TIAM1: variants seen among roughly 807,000 people sequenced by gnomAD.
The protein encoded by TIAM1 is TIAM Rac1 associated GEF 1.
A neutral mutation model predicts 163.5 loss-of-function variants in TIAM1; 65 were observed. The observed-to-expected ratio is 0.40, with a 90% CI of 0.33 to 0.49. The LOEUF is 0.49. Ranked by LOEUF, TIAM1 falls within the 20% of genes least tolerant of loss-of-function variation. The probability of loss-of-function intolerance (pLI) is 0.77; values close to 1 mark genes in which losing one functional copy is unlikely to be tolerated. For synonymous variants in TIAM1, 833 were observed against 810.1 expected, an observed-to-expected ratio of 1.03 and a Z score of -0.48; for missense variants, 1,789 against 2,044.7, an observed-to-expected ratio of 0.87 and a Z score of 2.41.
intron 1 of TIAM1, among the ~76,000 whole-genome samples, chr21:31,491,036 C>T (rs2046451105): frequency 6.6e-6 from 1 of 152,202 alleles, no homozygotes; most frequent in Admixed American, 6.5e-5. Flanking sequence ...GAGGCTGAGG[C>T]AGGAGAATCG....
intron 2 of TIAM1, among the ~76,000 whole-genome samples, chr21:31,310,444 CG>C (rs1180362327): frequency 6.6e-6 from 1 of 152,148 alleles, no homozygotes; most frequent in Non-Finnish European, 1.5e-5. Flanking sequence ...ACTGAAATTC[CG>C]GGTTGTGCGT....
At chr21:31,122,174 C>T (rs1276959462) in intron 27 of TIAM1, among the ~76,000 whole-genome samples, 3 of 152,070 alleles carry the variant, frequency 2.0e-5, no homozygotes, top group South Asian at 2.1e-4. Context: ...CTGAGTGTTC[C>T]GCCATCTAAA....
chr21:31,299,653 G>C (rs779928028), intron 2 of TIAM1, among the ~76,000 whole-genome samples: 6 of 152,158 alleles, frequency 3.9e-5, no homozygotes, highest in African/African-American at 4.8e-5. Context: ...CCCAAGGCAC[G>C]ACGTTACCCA....
chr21:31,524,068 A>G (rs1456049678), intron 1 of TIAM1, among the ~76,000 whole-genome samples: 1 of 152,082 alleles, frequency 6.6e-6, no homozygotes, highest in Non-Finnish European at 1.5e-5. Flanking sequence ...ATAATTACCA[A>G]TGCTCAGGTG....
At chr21:31,341,119 G>C (rs978511451) in intron 1 of TIAM1, among the ~76,000 whole-genome samples, 2 of 152,116 alleles carry the variant, frequency 1.3e-5, no homozygotes, top group Non-Finnish European at 2.9e-5. Flanking sequence ...AATACTAATC[G>C]TTACACTGAA....
At chr21:31,385,027 T>C (rs1439141030) in intron 2 of TIAM1, among the ~76,000 whole-genome samples, 1 of 152,100 alleles carries the variant, frequency 6.6e-6, no homozygotes, top group Non-Finnish European at 1.5e-5. Context: ...TGGGAGGTGT[T>C]TGGGTCATAG....
intron 2 of TIAM1, among the ~76,000 whole-genome samples, chr21:31,452,128 G>A (rs764772776): frequency 6.6e-6 from 1 of 152,124 alleles, no homozygotes; most frequent in African/African-American, 2.4e-5. Context: ...ATGTGGGCAG[G>A]ACATGACAAA....
intron 2 of TIAM1, among the ~76,000 whole-genome samples, chr21:31,302,898 A>G (rs1257820402): frequency 6.6e-6 from 1 of 152,200 alleles, no homozygotes; most frequent in African/African-American, 2.4e-5. Flanking sequence ...TGGGAGGCCC[A>G]TTTTACTGGC....
chr21:31,187,446 G>A lies in TIAM1; in HGVS notation c.2576-359C>T, dbSNP rs74432984. On this transcript the variant is annotated intron_variant, in intron 13 of 27. Coordinates refer to ENST00000541036, the MANE Select transcript of TIAM1 (RefSeq NM_001353694.2). ...TTAGCTTACCTCAAAGTCCCCAGACGTTTTTCATCAAATCTATGTCCTAGA... is the reference window on the plus strand; with the variant it reads ...TTAGCTTACCTCAAAGTCCCCAGACATTTTTCATCAAATCTATGTCCTAGA... 8.9e-3 allele frequency among the ~76,000 whole-genome samples: 1,347 copies of A among 152,180 alleles called. 23 individuals are homozygous for A. The highest frequency in any genetic ancestry group is 0.03 in the African/African-American group (1,249 of 41,524).
intron 2 of TIAM1, among the ~76,000 whole-genome samples, chr21:31,317,421 C>A (rs1036881481): frequency 1.3e-5 from 2 of 152,116 alleles, no homozygotes; most frequent in African/African-American, 4.8e-5. Flanking sequence ...CCATTGTACT[C>A]CAGCCTGGGT....
At chr21:31,328,246 C>T (rs200710406) in intron 2 of TIAM1, among the ~76,000 whole-genome samples, 1 of 152,182 alleles carries the variant, frequency 6.6e-6, no homozygotes, top group African/African-American at 2.4e-5. Context: ...GTTGTAACTA[C>T]AGTCGCCATT....
At chr21:31,204,860 T>C (rs1275384925) in intron 11 of TIAM1, among the ~76,000 whole-genome samples, 1 of 152,244 alleles carries the variant, frequency 6.6e-6, no homozygotes, top group Non-Finnish European at 1.5e-5. Flanking sequence ...TCAGTGATTC[T>C]TGGGAACCCC....
chr21:31,477,975 T>C (rs2045988237), intron 1 of TIAM1, among the ~76,000 whole-genome samples: 1 of 152,174 alleles, frequency 6.6e-6, no homozygotes, highest in South Asian at 2.1e-4. Flanking sequence ...GTTCTTAGAA[T>C]GAATTACCAC....
At chr21:31,546,749 AACCTG>A (rs1459856939) in intron 1 of TIAM1, among the ~76,000 whole-genome samples, 1 of 152,160 alleles carries the variant, frequency 6.6e-6, no homozygotes, top group African/African-American at 2.4e-5. Flanking sequence ...AAAACTATTA[AACCTG>A]ACTCTCCTCT....
intron 1 of TIAM1, among the ~76,000 whole-genome samples, chr21:31,482,159 C>G (rs553070911): frequency 1.1e-5 from 1 of 92,438 alleles, no homozygotes; most frequent in South Asian, 3.1e-4. Context: ...TAACAAACAT[C>G]CTTTTTTTTT....
intron 2 of TIAM1, among the ~76,000 whole-genome samples, chr21:31,454,699 A>C (rs565484943): frequency 6.6e-6 from 1 of 152,360 alleles, no homozygotes; most frequent in South Asian, 2.1e-4. Context: ...AAAGATATGA[A>C]GGATAATGGG....
intron 2 of TIAM1, among the ~76,000 whole-genome samples, chr21:31,453,864 G>A (rs1386379478): frequency 2.0e-5 from 3 of 151,960 alleles, no homozygotes; most frequent in Non-Finnish European, 2.9e-5. Flanking sequence ...GCTTGACCTC[G>A]CTGAACCTTC....
intron 15 of TIAM1, among the ~76,000 whole-genome samples, chr21:31,170,988 A>T (rs1408826153): frequency 3.0e-5 from 4 of 131,752 alleles, no homozygotes; most frequent in Non-Finnish European, 4.7e-5. Flanking sequence ...AGGAGCTGAG[A>T]TTGTGCCACT....
intron 2 of TIAM1, among the ~76,000 whole-genome samples, chr21:31,373,237 G>A (rs1319468873): frequency 6.6e-6 from 1 of 152,098 alleles, no homozygotes; most frequent in Non-Finnish European, 1.5e-5. Context: ...TTGCAGTAAG[G>A]TGAGACTATA....
Sources: gnomAD v4.1 joint callset for allele counts (sites outside exome capture counted in the v4.1 genomes callset) on GRCh38, gnomAD v4.1.1 for gene constraint, MANE v1.5 for transcripts, NCBI Gene and HGNC (gene_info 2026-07-23, HGNC 2026-07-21) for gene names.